STX8: variants seen among roughly 807,000 people sequenced by gnomAD.
The protein encoded by STX8 is syntaxin 8.
A neutral mutation model predicts 37.5 loss-of-function variants in STX8; 23 were observed. The ratio of observed to expected loss-of-function variants is 0.61; its 90% CI spans 0.44 to 0.87. STX8 has a LOEUF of 0.87. Among genes scored for constraint, STX8 ranks in the 40% least tolerant of loss-of-function variants. STX8 has a pLI of 0.00. For missense variants in STX8, 313 were observed against 284.7 expected, an observed-to-expected ratio of 1.10 and a Z score of -0.71; for synonymous variants, 115 against 99.1, an observed-to-expected ratio of 1.16 and a Z score of -0.95.
In STX8 at chr17:9,329,016, C is replaced by T. The variant is rs372544538; in HGVS notation, c.643+49536G>A. Among the ~76,000 whole-genome samples the T allele has an allele frequency of 1.6e-4, 19 of 120,278 alleles. No individual in the cohort carries two copies. The South Asian group carries it at 5.5e-3, about 35-fold the overall frequency. 78.9% of individuals were successfully genotyped at this position (120,278 alleles called of 152,430 possible). ...AGTGAGCTGAGATCGCGCCACTGCA[C>T]TTGAGCATGGGCGACAAGAGCGAGA... On this transcript the variant is annotated intron_variant, in intron 7 of 7. Transcript: ENST00000306357.
chr17:9,380,254 GTTT>G (rs34806016), intron 6 of STX8, among the ~76,000 whole-genome samples: 4 of 89,446 alleles, frequency 4.5e-5, no homozygotes, highest in Admixed American at 1.2e-4. Flanking sequence ...ATTTCTGTGT[GTTT>G]TTTTTTTTTT....
intron 7 of STX8, among the ~76,000 whole-genome samples, chr17:9,294,027 A>C (rs1908421408): frequency 1.3e-5 from 2 of 152,110 alleles, no homozygotes; most frequent in Admixed American, 1.3e-4. Context: ...GGCCTCCCAA[A>C]GTGCTGGGAT....
At chr17:9,521,920 C>A (rs539054708) in intron 4 of STX8, among the ~76,000 whole-genome samples, 1 of 152,200 alleles carries the variant, frequency 6.6e-6, no homozygotes, top group East Asian at 1.9e-4. Flanking sequence ...AAAAGCAATC[C>A]TATTTTTTCC....
intron 6 of STX8, among the ~76,000 whole-genome samples, chr17:9,437,430 G>A (rs1337702345): frequency 6.6e-6 from 1 of 152,230 alleles, no homozygotes; most frequent in Non-Finnish European, 1.5e-5. Flanking sequence ...GGGAGGGGAT[G>A]TGCATGAAAT....
intron 7 of STX8, among the ~76,000 whole-genome samples, chr17:9,272,385 G>C (rs80161876): frequency 0.023 from 3,448 of 152,310 alleles, 119 homozygotes; most frequent in African/African-American, 0.078. Flanking sequence ...TAGGATTTCA[G>C]CTTGAAATGT....
At chr17:9,437,053 A>G (rs183820575) in intron 6 of STX8, among the ~76,000 whole-genome samples, 82 of 152,334 alleles carry the variant, frequency 5.4e-4, no homozygotes, top group African/African-American at 1.7e-3. Context: ...GACAAGCTGA[A>G]ATGAAAAGCG....
chr17:9,548,447 C>G (rs1282469750), intron 3 of STX8: 1 of 152,238 alleles, frequency 6.6e-6, no homozygotes, highest in Non-Finnish European at 1.5e-5. Context: ...GTTCAACCAA[C>G]TGCTAGACTG....
intron 1 of STX8, 122 bp downstream of exon 1, chr17:9,575,670 T>G (rs561867764): frequency 1.6e-6 from 2 of 1,244,152 alleles, no homozygotes; most frequent in Non-Finnish European, 2.2e-6. Flanking sequence ...AGGAAAGGTC[T>G]CGCTGCCCCT....
At chr17:9,549,671 G>C (rs1284903706) in intron 3 of STX8, among the ~76,000 whole-genome samples, 3 of 152,000 alleles carry the variant, frequency 2.0e-5, no homozygotes, top group African/African-American at 4.8e-5. Context: ...GGAACATGCT[G>C]CCTCTTTGTT....
chr17:9,312,136 C>CGTCTGGCAAGCATGAGACATTTTAAG (rs1909212994), intron 7 of STX8, among the ~76,000 whole-genome samples: 1 of 151,838 alleles, frequency 6.6e-6, no homozygotes, highest in South Asian at 2.1e-4. Flanking sequence ...TGAGCCACTG[C>CGTCTGGCAAGCATGAGACATTTTAAG]GCCCAGCTTC....
At chr17:9,418,348 T>C (rs1262041613) in intron 6 of STX8, among the ~76,000 whole-genome samples, 1 of 152,050 alleles carries the variant, frequency 6.6e-6, no homozygotes, top group Non-Finnish European at 1.5e-5. Flanking sequence ...GTGATTCTAA[T>C]AGGCAGTGAA....
At chr17:9,458,439 G>A (rs151316760) in intron 6 of STX8, among the ~76,000 whole-genome samples, 4,114 of 152,224 alleles carry the variant, frequency 0.027, 76 homozygotes, top group Non-Finnish European at 0.04. Context: ...GTGAGCCACC[G>A]TGCCCTGCCA....
At chr17:9,516,720 A>G (rs1419688767) in intron 4 of STX8, among the ~76,000 whole-genome samples, 1 of 152,176 alleles carries the variant, frequency 6.6e-6, no homozygotes, top group Non-Finnish European at 1.5e-5. Context: ...AAATACGAAA[A>G]ATAATATGAA....
At chr17:9,284,686 TAA>T (rs1908014268) in intron 7 of STX8, among the ~76,000 whole-genome samples, 1 of 152,050 alleles carries the variant, frequency 6.6e-6, no homozygotes, top group Admixed American at 6.6e-5. Flanking sequence ...GGGAAAAAAA[TAA>T]GTTTAAAGTT....
At chr17:9,360,272 T>C (rs570419442) in intron 7 of STX8, among the ~76,000 whole-genome samples, 1 of 135,918 alleles carries the variant, frequency 7.4e-6, no homozygotes, top group African/African-American at 2.7e-5. Context: ...CTCACTCTTG[T>C]AGCCCAGGCT....
chr17:9,367,347 A>G (rs1360332428), intron 7 of STX8, among the ~76,000 whole-genome samples: 4 of 152,118 alleles, frequency 2.6e-5, no homozygotes, highest in South Asian at 2.1e-4. Flanking sequence ...AGAGGCACCC[A>G]CGTGTTCAGC....
At chr17:9,296,863 T>C (rs955973305) in intron 7 of STX8, among the ~76,000 whole-genome samples, 1 of 152,208 alleles carries the variant, frequency 6.6e-6, no homozygotes, top group African/African-American at 2.4e-5. Flanking sequence ...CTGCTAATAC[T>C]AGTTGGGTGA....
chr17:9,369,899 A>G (rs1236673387), intron 7 of STX8, among the ~76,000 whole-genome samples: 1 of 147,272 alleles, frequency 6.8e-6, no homozygotes, highest in African/African-American at 2.6e-5. Context: ...AAAAAAAAAA[A>G]AAAAAAAAAA....
At chr17:9,551,819 G>A (rs1194444074) in intron 3 of STX8, among the ~76,000 whole-genome samples, 20 of 151,948 alleles carry the variant, frequency 1.3e-4, no homozygotes, top group Admixed American at 1.2e-3. Context: ...TTTCAGAGCC[G>A]ATGTTGTTCC....
Sources: allele counts gnomAD v4.1 joint callset (sites outside exome capture counted in the v4.1 genomes callset), GRCh38; gene constraint gnomAD v4.1.1; transcripts MANE v1.5; gene names NCBI Gene and HGNC (gene_info 2026-07-23, HGNC 2026-07-21).